The following DYNC1LI1 variants were observed in gnomAD, a reference collection of about 807,000 sequenced individuals.
The protein encoded by DYNC1LI1 is dynein cytoplasmic 1 light intermediate chain 1.
A neutral mutation model predicts 63.8 loss-of-function variants in DYNC1LI1; 19 were observed. The ratio of observed to expected loss-of-function variants is 0.30; its 90% confidence interval spans 0.21 to 0.44. DYNC1LI1 has a LOEUF of 0.44. Ranked by LOEUF, DYNC1LI1 falls within the 20% of genes least tolerant of loss-of-function variation. The pLI is 1.00. For missense variants in DYNC1LI1, 565 were observed against 630.2 expected (o/e 0.90, Z 1.11); for synonymous variants, 225 against 232.3 (o/e 0.97, Z 0.28).
Position 32,530,484 on chromosome 3 carries a change from GATC to G in DYNC1LI1, c.1114_1116del (p.Asp372del), listed in dbSNP as rs760136933. ...ACCTGTAGCTTCATAAGAAACACCT[GATC>G]ATCTTCTGCCATAATTTCCTTCTCA... On this transcript the variant is annotated inframe_deletion, in exon 9 of 13. Transcript: ENST00000273130. 1.2e-6 allele frequency: 2 copies of G among 1,613,288 alleles called. No individual in the cohort carries two copies. The highest frequency in any genetic ancestry group is 1.7e-6 in the Non-Finnish European group (2 of 1,179,858).
chr3:32,544,231 T>C lies in DYNC1LI1; in HGVS notation c.568+645A>G, dbSNP rs376646653. On this transcript the variant is annotated intron_variant, in intron 4 of 12. Coordinates refer to ENST00000273130, the MANE Select transcript of DYNC1LI1 (RefSeq NM_016141.4). ...TCTTTATATGTATACTGTCAACATC[T>C]TTCTAGGCACATTTCATTTTGACAA... 1.1e-4 allele frequency among the ~76,000 whole-genome samples: 16 copies of C among 152,332 alleles called. No individual in the cohort carries two copies. In the East Asian group the frequency reaches 2.7e-3, roughly 26 times the overall value.
chr3:32,564,491 A>C (rs892285861), intron 2 of DYNC1LI1, among the ~76,000 whole-genome samples: 1 of 152,230 alleles, frequency 6.6e-6, no homozygotes, highest in Non-Finnish European at 1.5e-5. Context: ...AGCAGAACTG[A>C]GTTGTTGCAA....
intron 2 of DYNC1LI1, among the ~76,000 whole-genome samples, chr3:32,568,854 T>G (rs1169003214): frequency 6.6e-6 from 1 of 152,250 alleles, no homozygotes; most frequent in African/African-American, 2.4e-5. Context: ...AAATCCATTT[T>G]ACCTTAGAAA....
Position 32,537,064 on chromosome 3 carries a change from C to CTGTAGTCATG in DYNC1LI1, c.769_778dup (p.Arg260ThrfsTer2). ...CTGAATAAAATCAAAATGTTCATCT[C>CTGTAGTCATG]TGTAGTCATGTTCTTTCTCCAATAC... On this transcript the variant is annotated stop_gained and frameshift_variant, in exon 6 of 13. Transcript: ENST00000273130. LOFTEE classifies it high-confidence loss of function. 1 of 1,599,314 alleles carries CTGTAGTCATG rather than the reference C, an allele frequency of 6.3e-7. No homozygotes were observed.
intron 3 of DYNC1LI1, 128 bp downstream of exon 3, chr3:32,545,721 T>G: frequency 1.4e-6 from 1 of 737,310 alleles, no homozygotes; most frequent in Non-Finnish European, 2.4e-6. Context: ...ACATAGCTAT[T>G]TCTTGACCAG....
intron 10 of DYNC1LI1, 84 bp from the exon 11 acceptor site, chr3:32,529,744 T>C (rs1697669915): frequency 2.4e-6 from 3 of 1,237,106 alleles, no homozygotes; most frequent in African/African-American, 3.0e-5. Context: ...GAAATTACTT[T>C]GCAACTATCC....
intron 2 of DYNC1LI1, among the ~76,000 whole-genome samples, chr3:32,559,573 AT>A (rs1317516076): frequency 6.6e-6 from 1 of 152,144 alleles, no homozygotes; most frequent in African/African-American, 2.4e-5. Context: ...AGTTTAAAAA[AT>A]ATAACAATAA....
intron 11 of DYNC1LI1, 82 bp downstream of exon 11, chr3:32,529,458 T>C (rs959553118): frequency 1.5e-6 from 2 of 1,352,834 alleles, no homozygotes; most frequent in Non-Finnish European, 2.0e-6. Flanking sequence ...ATGAAAATAG[T>C]TATGGCAAAA....
intron 6 of DYNC1LI1, 90 bp from the exon 7 acceptor site, chr3:32,534,736 T>TAGA: frequency 9.2e-7 from 1 of 1,092,414 alleles, no homozygotes; most frequent in Non-Finnish European, 1.3e-6. Flanking sequence ...TTTATTTCTA[T>TAGA]GCATTTTAGT....
At chr3:32,569,137 T>C (rs1258140813) in intron 2 of DYNC1LI1, among the ~76,000 whole-genome samples, 1 of 152,204 alleles carries the variant, frequency 6.6e-6, no homozygotes, top group Non-Finnish European at 1.5e-5. Flanking sequence ...ATAACAACCA[T>C]TTTAAAGATG....
chr3:32,568,547 A>G (rs1439474109), intron 2 of DYNC1LI1, among the ~76,000 whole-genome samples: 3 of 152,140 alleles, frequency 2.0e-5, no homozygotes, highest in Non-Finnish European at 4.4e-5. Context: ...TGTATGGTGG[A>G]GTGAAGGAGG....
rs1559436206 is a variant in DYNC1LI1, at chr3:32,537,948, AATT to A, written c.739-847_739-845del. Among the ~76,000 whole-genome samples the A allele has an allele frequency of 3.2e-3, 31 of 9,666 alleles. 2 individuals carry two copies. The highest frequency in any genetic ancestry group is 4.1e-3 in the Non-Finnish European group (27 of 6,564). The allele number at this position is 9,666 out of a possible 152,430, so 6.3% of individuals were successfully genotyped here. On this transcript the variant is annotated intron_variant, in intron 5 of 12. Transcript: ENST00000273130. ...TATAATATATATATAATATATATAT[AATT>A]TATATATATAATATATATATATTTA...
In DYNC1LI1 at chr3:32,545,933, T is replaced by G. The variant is rs1431201624; in HGVS notation, c.253A>C (p.Arg85=). ...EDGAGKTSLI[R]KIQGIEEYKK... ...TACTCCTCTATTCCCTGAATTTTTCTTATTAAGCTTGTTTTTCCAGCTCCA... is the reference window on the plus strand; with the variant it reads ...TACTCCTCTATTCCCTGAATTTTTCGTATTAAGCTTGTTTTTCCAGCTCCA... Residue 85 remains arginine (R), a synonymous_variant, in exon 3 of 13, where the codon AGA becomes CGA. Coordinates refer to ENST00000273130, the MANE Select transcript of DYNC1LI1 (RefSeq NM_016141.4). The G allele has an allele frequency of 6.2e-7, 1 of 1,612,322 alleles. No individual in the cohort carries two copies. Among genetic ancestry groups the G allele is most frequent in the Non-Finnish European group, 8.5e-7 (1 of 1,178,838 alleles).
chr3:32,528,687 A>G (rs1697655586), intron 11 of DYNC1LI1, 86 bp from the exon 12 acceptor site: 1 of 1,296,930 alleles, frequency 7.7e-7, no homozygotes. Flanking sequence ...CACATAGAAA[A>G]TGAATAAACT....
intron 11 of DYNC1LI1, among the ~76,000 whole-genome samples, chr3:32,529,317 G>C (rs77256312): frequency 0.02 from 2,975 of 152,130 alleles, 42 homozygotes; most frequent in South Asian, 0.042. Flanking sequence ...CCAGGAAATT[G>C]ATTAAATATA....
intron 2 of DYNC1LI1, chr3:32,570,126 A>G: frequency 1.5e-6 from 1 of 655,178 alleles, no homozygotes; most frequent in Non-Finnish European, 2.8e-6. Context: ...TATACCGGGG[A>G]GGAGGAGGAG....
chr3:32,545,817 C>A (rs1338985919), intron 3 of DYNC1LI1, 32 bp downstream of exon 3: 1 of 1,485,370 alleles, frequency 6.7e-7, no homozygotes, highest in Non-Finnish European at 9.4e-7. Flanking sequence ...TCAAAATAGA[C>A]TTCAGAAATT....
At chr3:32,534,721 T>A in intron 6 of DYNC1LI1, 75 bp from the exon 7 acceptor site, 1 of 1,211,708 alleles carries the variant, frequency 8.3e-7, no homozygotes, top group Middle Eastern at 2.0e-4. Context: ...GTTTTCAGCT[T>A]AACTTTTATT....
chr3:32,570,323 G>A (rs753166631), intron 2 of DYNC1LI1, 23 bp downstream of exon 2: 10 of 1,539,788 alleles, frequency 6.5e-6, no homozygotes, highest in East Asian at 2.3e-5. Context: ...CGGGCGGGGC[G>A]GGGCGAGGCA....
Sources: allele counts gnomAD v4.1 joint callset (sites outside exome capture counted in the v4.1 genomes callset), GRCh38; gene constraint gnomAD v4.1.1; transcripts MANE v1.5; gene names NCBI Gene and HGNC (gene_info 2026-07-23, HGNC 2026-07-21).